The following MIA2 variants were observed in gnomAD, a reference collection of about 807,000 sequenced individuals.
MIA2 encodes melanoma inhibitory activity protein 2.
MIA2 carries 127 observed loss-of-function variants against 167.8 expected under a neutral mutation model. The ratio of observed to expected loss-of-function variants is 0.76; its 90% confidence interval spans 0.66 to 0.88. The LOEUF is 0.88. MIA2 is among the 40% of genes least tolerant of loss of function. MIA2 has a pLI of 0.00. For synonymous variants in MIA2, 552 were observed against 541.9 expected, an observed-to-expected ratio of 1.02 and a Z score of -0.26; for missense variants, 1,690 against 1,624.7, an observed-to-expected ratio of 1.04 and a Z score of -0.69.
chr14:39,254,952 G>A (rs1048458144), intron 6 of MIA2, among the ~76,000 whole-genome samples: 1 of 152,160 alleles, frequency 6.6e-6, no homozygotes, highest in South Asian at 2.1e-4. Context: ...GAAAAGTGAG[G>A]ATACCAGGTT....
At chr14:39,313,110 A>C (rs1478491528) in intron 18 of MIA2, among the ~76,000 whole-genome samples, 9 of 152,054 alleles carry the variant, frequency 5.9e-5, no homozygotes, top group African/African-American at 9.7e-5. Flanking sequence ...AACTCTTGAA[A>C]CTATTAGTAG....
chr14:39,291,699 C>G (rs1289642457), intron 10 of MIA2, among the ~76,000 whole-genome samples: 2 of 152,056 alleles, frequency 1.3e-5, no homozygotes, highest in African/African-American at 4.8e-5. Context: ...AACATGATGT[C>G]ACTGAATGAG....
At chr14:39,260,728 A>T (rs993761302) in intron 6 of MIA2, among the ~76,000 whole-genome samples, 2 of 152,070 alleles carry the variant, frequency 1.3e-5, no homozygotes, top group African/African-American at 4.8e-5. Context: ...CTCATTTGTC[A>T]ATTTTGGCTT....
At chr14:39,298,695 TCA>T (rs919780735) in intron 13 of MIA2, among the ~76,000 whole-genome samples, 3 of 151,500 alleles carry the variant, frequency 2.0e-5, no homozygotes, top group African/African-American at 7.3e-5. Context: ...AATTGCCTGC[TCA>T]GTCTTCTTTT....
At chr14:39,356,814 G>A (rs1200875355) in intron 23 of MIA2, among the ~76,000 whole-genome samples, 4 of 152,220 alleles carry the variant, frequency 2.6e-5, no homozygotes, top group Non-Finnish European at 5.9e-5. Context: ...TATGTACCCA[G>A]TAGTCATTCA....
intron 6 of MIA2, among the ~76,000 whole-genome samples, chr14:39,260,866 T>C (rs933443813): frequency 2.0e-5 from 3 of 152,314 alleles, no homozygotes; most frequent in African/African-American, 7.2e-5. Flanking sequence ...CTTTAATCCA[T>C]CTTGAGTTAA....
intron 23 of MIA2, among the ~76,000 whole-genome samples, chr14:39,368,379 C>T (rs944616936): frequency 1.3e-5 from 2 of 152,170 alleles, no homozygotes; most frequent in Non-Finnish European, 2.9e-5. Context: ...AATAGTCCCT[C>T]ATTAGGTAGG....
At chr14:39,370,642 C>T (rs2074920219) in intron 23 of MIA2, 1 of 314,172 alleles carries the variant, frequency 3.2e-6, no homozygotes, top group Non-Finnish European at 6.5e-6. Context: ...CTCTCTGCTG[C>T]CCGAGTCTGT....
chr14:39,345,321 G>T (rs570671939), intron 25 of MIA2, among the ~76,000 whole-genome samples: 4 of 152,180 alleles, frequency 2.6e-5, no homozygotes, highest in Admixed American at 2.6e-4. Context: ...TGATCCACCC[G>T]CTTCGGCCTC....
At chr14:39,257,309 A>G (rs1488331132) in intron 6 of MIA2, among the ~76,000 whole-genome samples, 2 of 152,024 alleles carry the variant, frequency 1.3e-5, no homozygotes, top group South Asian at 2.1e-4. Context: ...TTAGCTCTTC[A>G]TGTTGCATTT....
intron 9 of MIA2, among the ~76,000 whole-genome samples, chr14:39,285,608 G>T (rs1464968324): frequency 6.9e-6 from 1 of 145,842 alleles, no homozygotes; most frequent in African/African-American, 2.5e-5. Flanking sequence ...GGCTGGCCGG[G>T]CGGGGGCTGC....
intron 9 of MIA2, among the ~76,000 whole-genome samples, chr14:39,283,228 A>G (rs772529290): frequency 5.9e-5 from 9 of 152,156 alleles, no homozygotes; most frequent in Non-Finnish European, 8.8e-5. Flanking sequence ...AGAAGGTGCC[A>G]ATTTCATTTT....
intron 23 of MIA2, among the ~76,000 whole-genome samples, chr14:39,368,201 G>T (rs765151058): frequency 6.6e-6 from 1 of 152,264 alleles, no homozygotes; most frequent in East Asian, 1.9e-4. Context: ...ATTAAGGGGC[G>T]AGAGAGCAAA....
At chr14:39,255,725 T>G (rs1046315877) in intron 6 of MIA2, among the ~76,000 whole-genome samples, 1 of 152,210 alleles carries the variant, frequency 6.6e-6, no homozygotes, top group Non-Finnish European at 1.5e-5. Context: ...GATAATTTGC[T>G]GATCAACACA....
chr14:39,252,754 T>A lies in MIA2; in HGVS notation c.1574T>A (p.Val525Asp), dbSNP rs2054638026. Reference protein sequence around the residue: ...FKSSYSLSDMVSNIELPTRIH... With the variant: ...FKSSYSLSDMDSNIELPTRIH... ...TCTTTTTATTTATTTGTAGATATGGTCTCTAACATAGAGTTACCTACGAGA... is the reference window on the plus strand; with the variant it reads ...TCTTTTTATTTATTTGTAGATATGGACTCTAACATAGAGTTACCTACGAGA... The change falls in exon 5 of 29, where the codon GTC becomes GAC. Residue 525 changes from valine (V) to aspartate (D), a missense_variant. Transcript: ENST00000640607. The A allele has an allele frequency of 2.5e-6, 4 of 1,604,264 alleles. No homozygotes were observed. The East Asian group carries it at 8.9e-5, about 36-fold the overall frequency.
At chr14:39,277,694 ATATATATATATATATATATATG>A (rs1404563183) in intron 7 of MIA2, among the ~76,000 whole-genome samples, 842 of 7,746 alleles carry the variant, frequency 0.11, 217 homozygotes, top group African/African-American at 0.31. Context: ...ATATGTGTGT[ATATATATATATATATATATATG>A]TGTGTATATA....
intron 23 of MIA2, among the ~76,000 whole-genome samples, chr14:39,319,948 G>T (rs576651761): frequency 1.3e-4 from 18 of 140,420 alleles, no homozygotes; most frequent in Admixed American, 1.2e-3. Context: ...TATATAGGTA[G>T]AATTCCATTT....
rs1421894958 is a variant in MIA2, at chr14:39,285,259, T to C, written c.2130+5722T>C. Among the ~76,000 whole-genome samples, 6 of 152,212 alleles carry C rather than the reference T, an allele frequency of 3.9e-5. No homozygotes were observed. The East Asian group carries it at 1.2e-3, about 30-fold the overall frequency. ...TCATCCTGGCCCGTTCTCAATGAGC[T>C]GTTGGGTACACCTCCCAGACGGGGT... On this transcript the variant is annotated intron_variant, in intron 9 of 28. Coordinates refer to ENST00000640607, the MANE Select transcript of MIA2 (RefSeq NM_001329214.4).
chr14:39,283,985 A>G (rs562890388), intron 9 of MIA2, among the ~76,000 whole-genome samples: 6 of 151,718 alleles, frequency 4.0e-5, no homozygotes, highest in South Asian at 2.1e-4. Context: ...TATTTTTTTT[A>G]CCTTGCAGCT....
Sources: allele counts gnomAD v4.1 joint callset (sites outside exome capture counted in the v4.1 genomes callset), GRCh38; gene constraint gnomAD v4.1.1; transcripts MANE v1.5; gene names NCBI Gene and HGNC (gene_info 2026-07-23, HGNC 2026-07-21).